Variants in CACNG2 observed in about 807,000 individuals in gnomAD.
CACNG2 encodes the protein calcium voltage-gated channel auxiliary subunit gamma 2, also known as voltage-dependent calcium channel gamma-2 subunit.
CACNG2 carries 3 observed loss-of-function variants against 25.9 expected under a neutral mutation model. The ratio of observed to expected loss-of-function variants is 0.12; its 90% confidence interval spans 0.05 to 0.30. The LOEUF (loss-of-function observed/expected upper bound fraction) is 0.30, where lower values mean the gene tolerates loss of function less well. Ranked by LOEUF, CACNG2 falls within the 10% of genes least tolerant of loss-of-function variation. The pLI is 1.00. For synonymous variants in CACNG2, 167 were observed against 173.3 expected (o/e 0.96, Z 0.29); for missense variants, 341 against 432.5 (o/e 0.79, Z 1.88).
chr22:36,666,630 T>C (rs1477297249), intron 1 of CACNG2, among the ~76,000 whole-genome samples: 1 of 151,964 alleles, frequency 6.6e-6, no homozygotes, highest in Non-Finnish European at 1.5e-5. Context: ...AGGTATCTAA[T>C]GCCACAGGAC....
At chr22:36,627,635 G>A (rs1026384133) in intron 1 of CACNG2, among the ~76,000 whole-genome samples, 24 of 136,946 alleles carry the variant, frequency 1.8e-4, no homozygotes, top group Admixed American at 1.4e-3. Context: ...TAGCATGAAT[G>A]ACTTTGATTT....
intron 1 of CACNG2, among the ~76,000 whole-genome samples, chr22:36,649,862 T>A (rs1936581114): frequency 6.6e-6 from 1 of 152,250 alleles, no homozygotes; most frequent in Admixed American, 6.5e-5. Flanking sequence ...ACCATGATTG[T>A]AAGGTCTCCC....
intron 1 of CACNG2, among the ~76,000 whole-genome samples, chr22:36,616,510 T>C (rs1936023511): frequency 1.3e-5 from 2 of 152,186 alleles, no homozygotes; most frequent in South Asian, 4.2e-4. Flanking sequence ...CCAGCGAGAG[T>C]GTAAGTTCCT....
intron 1 of CACNG2, among the ~76,000 whole-genome samples, chr22:36,591,606 G>A (rs984911272): frequency 1.3e-5 from 2 of 152,152 alleles, no homozygotes; most frequent in South Asian, 2.1e-4. Context: ...CCAGGTGTTC[G>A]AGGCTGCAGT....
chr22:36,618,957 C>T (rs199982384), intron 1 of CACNG2, among the ~76,000 whole-genome samples: 50 of 140,694 alleles, frequency 3.6e-4, no homozygotes, highest in African/African-American at 1.3e-3. Flanking sequence ...AACAAACAAA[C>T]AAAAAAACAA....
chr22:36,571,186 G>A (rs1423468197), intron 2 of CACNG2, among the ~76,000 whole-genome samples: 1 of 152,188 alleles, frequency 6.6e-6, no homozygotes, highest in Non-Finnish European at 1.5e-5. Flanking sequence ...GCCAGGCATG[G>A]TGGCTCATGC....
intron 1 of CACNG2, among the ~76,000 whole-genome samples, chr22:36,646,479 C>T (rs370446658): frequency 2.0e-5 from 3 of 152,134 alleles, no homozygotes; most frequent in African/African-American, 7.2e-5. Flanking sequence ...TATAGCTGCA[C>T]AAAAATTGAT....
chr22:36,664,772 G>A (rs1936850656), intron 1 of CACNG2, among the ~76,000 whole-genome samples: 1 of 152,222 alleles, frequency 6.6e-6, no homozygotes, highest in African/African-American at 2.4e-5. Flanking sequence ...ATAAAACAGA[G>A]TTTTCATATA....
At chr22:36,650,943 G>A (rs1482554218) in intron 1 of CACNG2, among the ~76,000 whole-genome samples, 1 of 152,106 alleles carries the variant, frequency 6.6e-6, no homozygotes, top group African/African-American at 2.4e-5. Context: ...GATATTATTT[G>A]TCATTCATCT....
chr22:36,701,100 T>C (rs1038490711), intron 1 of CACNG2, among the ~76,000 whole-genome samples: 5 of 152,082 alleles, frequency 3.3e-5, no homozygotes, highest in African/African-American at 9.7e-5. Flanking sequence ...TGCATCACCA[T>C]CCCATGTCGA....
intron 1 of CACNG2, among the ~76,000 whole-genome samples, chr22:36,653,681 T>A (rs557800682): frequency 8.5e-4 from 129 of 152,190 alleles, no homozygotes; most frequent in Non-Finnish European, 1.7e-3. Flanking sequence ...AGGCCACAGG[T>A]GTCTGCAGAC....
intron 2 of CACNG2, among the ~76,000 whole-genome samples, chr22:36,574,516 C>T (rs750787564): frequency 1.3e-5 from 2 of 152,166 alleles, no homozygotes; most frequent in Non-Finnish European, 2.9e-5. Flanking sequence ...CGAGGTGGCT[C>T]ACGCCTGTAA....
intron 1 of CACNG2, among the ~76,000 whole-genome samples, chr22:36,684,693 G>C (rs738514): frequency 0.71 from 107,485 of 151,564 alleles, 38,199 homozygotes; most frequent in Middle Eastern, 0.81. Flanking sequence ...ACAGCACTGT[G>C]TTTTGAGCCT....
chr22:36,698,569 C>T (rs1937370852), intron 1 of CACNG2, among the ~76,000 whole-genome samples: 1 of 151,988 alleles, frequency 6.6e-6, no homozygotes, highest in Admixed American at 6.5e-5. Flanking sequence ...AGATTTGGGA[C>T]CATTGAGAGA....
intron 1 of CACNG2, among the ~76,000 whole-genome samples, chr22:36,598,704 C>T (rs1935711511): frequency 6.6e-6 from 1 of 151,856 alleles, no homozygotes; most frequent in South Asian, 2.1e-4. Flanking sequence ...TCTGGCCGAG[C>T]ACGGTGGCTC....
chr22:36,679,512 A>G lies in CACNG2; in HGVS notation c.211+22854T>C, dbSNP rs180716684. On this transcript the variant is annotated intron_variant, in intron 1 of 3. Coordinates refer to ENST00000300105, the MANE Select transcript of CACNG2 (RefSeq NM_006078.5). ...TTATTTATCCACTAGGAACCAGATT[A>G]CAATCAGTTATGCATATGAAATCTA... Among the ~76,000 whole-genome samples the G allele has an allele frequency of 6.4e-3, 969 of 152,328 alleles. 7 individuals are homozygous for G. The highest frequency in any genetic ancestry group is 0.023 in the African/African-American group (948 of 41,570).
chr22:36,684,878 T>A (rs1161373651), intron 1 of CACNG2, among the ~76,000 whole-genome samples: 3 of 152,120 alleles, frequency 2.0e-5, no homozygotes, highest in Non-Finnish European at 4.4e-5. Flanking sequence ...CAAACCCAGG[T>A]CTGTCTGATG....
intron 2 of CACNG2, among the ~76,000 whole-genome samples, chr22:36,582,474 C>T (rs1034354980): frequency 3.3e-5 from 5 of 150,438 alleles, no homozygotes; most frequent in African/African-American, 1.2e-4. Context: ...GGCATGGTCT[C>T]AGCTCACTGC....
intron 1 of CACNG2, among the ~76,000 whole-genome samples, chr22:36,589,013 T>TG (rs1051168565): frequency 7.2e-6 from 1 of 138,558 alleles, no homozygotes; most frequent in Non-Finnish European, 1.5e-5. Flanking sequence ...CCCCCTGAAA[T>TG]GGAGTCTCAC....
Sources: allele counts gnomAD v4.1 joint callset (sites outside exome capture counted in the v4.1 genomes callset), GRCh38; gene constraint gnomAD v4.1.1; transcripts MANE v1.5; gene names NCBI Gene and HGNC (gene_info 2026-07-23, HGNC 2026-07-21).